Variants in TCF3 observed in about 807,000 individuals in gnomAD.
TCF3 encodes the protein transcription factor E2-alpha.
Under a neutral mutation model 72.3 loss-of-function variants are expected in TCF3, and 54 were observed. That is an observed-to-expected ratio of 0.75 (90% CI 0.60 to 0.94). The LOEUF is 0.94. TCF3 is among the 40% of genes least tolerant of loss of function. TCF3 has a pLI of 0.00. For missense variants in TCF3, 1,078 were observed against 934.4 expected, an observed-to-expected ratio of 1.15 and a Z score of -2.00; for synonymous variants, 525 against 412.6, an observed-to-expected ratio of 1.27 and a Z score of -3.30.
At chr19:1,613,846 C>CAAT (rs1261532450) in intron 18 of TCF3, among the ~76,000 whole-genome samples, 1 of 152,246 alleles carries the variant, frequency 6.6e-6, no homozygotes, top group Non-Finnish European at 1.5e-5. Context: ...TCCAGGAACC[C>CAAT]CATTGTCACT....
At position 1,642,256 on chromosome 19, in the gene TCF3, G is replaced by GCGCACACACGCACGCACACGCA. The variant is rs1555775232; in HGVS notation, c.145+4077_145+4098dup. 3.7e-3 allele frequency among the ~76,000 whole-genome samples: 565 copies of GCGCACACACGCACGCACACGCA among 150,758 alleles called. 3 individuals carry two copies. The highest frequency in any genetic ancestry group is 0.013 in the African/African-American group (524 of 40,994). The stretch of plus-strand genomic sequence containing the variant: ...CGCACGCGCAGACGCACACACACGT[G>GCGCACACACGCACGCACACGCA]CGCACACACGCACGCACACGCACAG... On this transcript the variant is annotated intron_variant, in intron 3 of 18. Transcript: ENST00000262965.
chr19:1,627,547 G>C (rs568138648), intron 5 of TCF3, 121 bp from the exon 6 acceptor site: 18 of 871,406 alleles, frequency 2.1e-5, no homozygotes, highest in South Asian at 1.9e-4. Context: ...AGAGCGCCAC[G>C]GCAGGATGCT....
At chr19:1,613,749 C>A (rs560832343) in intron 18 of TCF3, among the ~76,000 whole-genome samples, 1 of 152,142 alleles carries the variant, frequency 6.6e-6, no homozygotes, top group Admixed American at 6.5e-5. Context: ...CAGAAATGCA[C>A]CCGTCCCCTA....
At chr19:1,631,850 AG>A (rs940338363) in intron 5 of TCF3, 187 bp downstream of exon 5, 5 of 1,455,474 alleles carry the variant, frequency 3.4e-6, no homozygotes, top group African/African-American at 2.8e-5. Flanking sequence ...GTGCCGTGCC[AG>A]GGAGTCCGGG....
At chr19:1,627,000 C>T (rs1377643282) in intron 6 of TCF3, among the ~76,000 whole-genome samples, 5 of 152,198 alleles carry the variant, frequency 3.3e-5, no homozygotes, top group African/African-American at 4.8e-5. Context: ...CCAGGGCCAG[C>T]GTGGGTGAGG....
Position 1,650,307 on chromosome 19 carries a change from A to T in TCF3, c.-39-20T>A. ...GAAACCCTGCTTGGTGGATGTGGGGACAGATGGACAGGGAGAAACAGGGAG... is the reference window on the plus strand; with the variant it reads ...GAAACCCTGCTTGGTGGATGTGGGGTCAGATGGACAGGGAGAAACAGGGAG... On this transcript the variant is annotated intron_variant, in intron 1 of 18. Transcript: ENST00000262965. 1 of 1,489,616 alleles carries T rather than the reference A, an allele frequency of 6.7e-7. No individual in the cohort carries two copies. Among genetic ancestry groups the T allele is most frequent in the Non-Finnish European group, 9.1e-7 (1 of 1,101,058 alleles). The allele number at this position is 1,489,616 out of a possible 1,614,324, so 92.3% of individuals were successfully genotyped here. A position where few individuals can be genotyped will look rare whatever the true frequency, so the allele number is the denominator to read the frequency against.
intron 5 of TCF3, 83 bp downstream of exon 5, chr19:1,631,955 C>G (rs758822943): frequency 6.4e-7 from 1 of 1,556,598 alleles, no homozygotes; most frequent in South Asian, 1.2e-5. Flanking sequence ...ACTTGCCTGG[C>G]GCTGTGCGTG....
intron 1 of TCF3, 166 bp from the exon 2 acceptor site, chr19:1,650,453 C>T (rs1409692730): frequency 6.9e-6 from 4 of 575,622 alleles, no homozygotes; most frequent in East Asian, 2.9e-5. Context: ...TGGGAGCAGG[C>T]GCAGGGAAGC....
rs7252811 is a variant in TCF3, at chr19:1,611,724, G to A, written c.1948C>T (p.Pro650Ser). Residue 650 changes from proline (P) to serine (S), a missense_variant, in exon 19 of 19, where the codon CCC (proline) becomes TCC (serine). Pro to Ser is a moderately conservative substitution (Grantham distance 74, BLOSUM62 -1). Coordinates refer to ENST00000262965, the MANE Select transcript of TCF3 (RefSeq NM_003200.5). Reference protein sequence around the residue: ...PHPGLSEAHNPAGHM With the variant: ...PHPGLSEAHNSAGHM ...CATACCTTTCACATGTGCCCGGCGG[G>A]GTTGTGGGCTTCGCTCAGGCCTGGG... The A allele has an allele frequency of 5.1e-5, 82 of 1,613,504 alleles. No homozygotes were observed. Among genetic ancestry groups the A allele is most frequent in the Non-Finnish European group, 6.8e-5 (80 of 1,179,894 alleles).
rs146126608 is a variant in TCF3 at position 1,615,748 on chromosome 19, C to G, written c.1524G>C (p.Thr508=). The G allele has an allele frequency of 6.2e-7, 1 of 1,610,154 alleles. No homozygotes were observed. Among genetic ancestry groups the G allele is most frequent in the South Asian group, 1.1e-5 (1 of 90,634 alleles). Residue 508 remains threonine (T), a synonymous_variant, in exon 17 of 19, where the codon ACG becomes ACC. Transcript: ENST00000262965. This position sits in a 1 kb window ranked among gnomAD's most constrained non-coding sequence, Gnocchi z 7.3. ...CCTCCTCCGAGTGGTCAGCCGCTGA[C>G]GTGTTCTCCTCGTCCTCCTTCTCCT... ...KREEKEDEEN[T]SAADHSEEEK... is the part of the protein sequence containing the mutation.
Position 1,610,348 on chromosome 19 carries a change from AT to A in TCF3, c.*1358del, listed in dbSNP as rs2060896609. On this transcript the variant is annotated 3_prime_UTR_variant, in exon 19 of 19. Transcript: ENST00000262965. ...CCCAGGCCCAGGGATGCTCCCCAGC[AT>A]TGGGGGAGGCTGGCCAGGCCCCTGG... The A allele has an allele frequency of 8.8e-6, 2 of 226,242 alleles. No homozygotes were observed. The allele number at this position is 226,242 out of a possible 1,614,324, so 14.0% of individuals were successfully genotyped here.
intron 6 of TCF3, among the ~76,000 whole-genome samples, chr19:1,626,598 A>G (rs1356861490): frequency 6.6e-6 from 1 of 151,696 alleles, no homozygotes; most frequent in Non-Finnish European, 1.5e-5. Context: ...GTCACCCGGG[A>G]GCGCCAGAGA....
chr19:1,646,327 G>A (rs368244573), intron 3 of TCF3, 28 bp downstream of exon 3: 54 of 1,548,594 alleles, frequency 3.5e-5, no homozygotes, highest in African/African-American at 1.5e-4. Context: ...CTCACTCCAC[G>A]AGCGCTGGCA....
intron 16 of TCF3, among the ~76,000 whole-genome samples, chr19:1,618,138 T>C (rs1318421699): frequency 6.6e-6 from 1 of 152,106 alleles, no homozygotes; most frequent in Non-Finnish European, 1.5e-5. Flanking sequence ...CCTTTTCCTT[T>C]GTCCCCTTCC....
intron 11 of TCF3, among the ~76,000 whole-genome samples, chr19:1,621,450 T>C (rs72618600): frequency 0.045 from 6,828 of 151,960 alleles, 549 homozygotes; most frequent in East Asian, 0.38. Flanking sequence ...TGGGCCTGGA[T>C]GGGTGAGTCC....
Position 1,609,860 on chromosome 19 carries a change from A to G in TCF3, c.*1847T>C. The G allele has an allele frequency of 4.3e-6, 1 of 232,128 alleles. No individual in the cohort carries two copies. Among genetic ancestry groups the G allele is most frequent in the Non-Finnish European group, 8.5e-6 (1 of 117,460 alleles). 14.4% of individuals were successfully genotyped at this position (232,128 alleles called of 1,614,324 possible). On this transcript the variant is annotated 3_prime_UTR_variant, in exon 19 of 19. Coordinates refer to ENST00000262965, the MANE Select transcript of TCF3 (RefSeq NM_003200.5). ...AGGATCTCCTGGGGGTAACGGTGGGAGTCTCAGGAGTGGCACGGGGGGAGA... is the reference window on the plus strand; with the variant it reads ...AGGATCTCCTGGGGGTAACGGTGGGGGTCTCAGGAGTGGCACGGGGGGAGA...
intron 16 of TCF3, among the ~76,000 whole-genome samples, chr19:1,618,835 G>GCC (rs146227026): frequency 0.014 from 2,160 of 152,284 alleles, 49 homozygotes; most frequent in African/African-American, 0.049. Flanking sequence ...TGCACCCCTC[G>GCC]CCCCTTCCCC....
intron 5 of TCF3, among the ~76,000 whole-genome samples, chr19:1,630,758 C>G (rs751011320): frequency 3.1e-4 from 47 of 152,202 alleles, no homozygotes; most frequent in Non-Finnish European, 6.5e-4. Context: ...GGAGGCTGAC[C>G]ACGACAGCGG....
chr19:1,621,323 T>G, intron 11 of TCF3, 132 bp from the exon 12 acceptor site: 1 of 1,138,312 alleles, frequency 8.8e-7, no homozygotes, highest in Non-Finnish European at 1.2e-6. Context: ...GGGTCCGGTT[T>G]CTGTCTGACC....
Sources: gnomAD v4.1 joint callset for allele counts (sites outside exome capture counted in the v4.1 genomes callset) on GRCh38, gnomAD v4.1.1 for gene constraint, Gnocchi (gnomAD v3.1) non-coding constraint, MANE v1.5 for transcripts, NCBI Gene and HGNC (gene_info 2026-07-23, HGNC 2026-07-21) for gene names.